The following STK36 variants were observed in gnomAD, a reference collection of about 807,000 sequenced individuals.
STK36 encodes the protein serine/threonine kinase 36.
In STK36, 116 loss-of-function variants were observed where a neutral mutation model predicts 142.2. The ratio of observed to expected loss-of-function variants is 0.82; its 90% CI spans 0.70 to 0.95. STK36 has a LOEUF of 0.95. Among genes scored for constraint, STK36 ranks in the 40% least tolerant of loss-of-function variants. STK36 has a pLI of 0.00. For missense variants in STK36, 1,422 were observed against 1,617.2 expected, an observed-to-expected ratio of 0.88 and a Z score of 2.07; for synonymous variants, 619 against 641.7, an observed-to-expected ratio of 0.96 and a Z score of 0.53.
rs553102297 is a variant in STK36 at position 218,681,361 on chromosome 2, A to G, written c.1236+659A>G. 1.7e-3 allele frequency among the ~76,000 whole-genome samples: 257 copies of G among 152,314 alleles called. 1 individual carries two copies. Among genetic ancestry groups the G allele is most frequent in the Non-Finnish European group, 3.2e-3 (215 of 68,028 alleles). On this transcript the variant is annotated intron_variant, in intron 10 of 26. Transcript: ENST00000295709. ...AGGCTAATCACAAACTCCTGACCTCAGGTGATCTGCCTGCCTCAGCCTCCC... is the reference window on the plus strand; with the variant it reads ...AGGCTAATCACAAACTCCTGACCTCGGGTGATCTGCCTGCCTCAGCCTCCC...
intron 12 of STK36, 53 bp from the exon 13 acceptor site, chr2:218,689,806 C>A (rs185949878): frequency 2.0e-6 from 3 of 1,519,876 alleles, no homozygotes; most frequent in Admixed American, 1.9e-5. Flanking sequence ...TTTTTCTATT[C>A]TTTGTTTCCA....
chr2:218,697,056 A>G lies in STK36; in HGVS notation c.2604A>G (p.Leu868=). 3 of 1,614,050 alleles carry G rather than the reference A, an allele frequency of 1.9e-6. No homozygotes were observed. Among genetic ancestry groups the G allele is most frequent in the Non-Finnish European group, 2.5e-6 (3 of 1,179,962 alleles). Residue 868 remains leucine (L), a synonymous_variant, in exon 23 of 27, where the codon CTA becomes CTG. Transcript: ENST00000295709. ...QLLTEQGKAS[L]IRDMSSSEMW... ...ATCTCTAGCAGGGGAAGGCTAGCCT[A>G]ATCAGGGATATGTCCAGTTCAGAAA... is the stretch of plus-strand genomic sequence containing the variant.
chr2:218,688,645 T>C (rs1476664506), intron 11 of STK36, 52 bp from the exon 12 acceptor site: 5 of 1,578,122 alleles, frequency 3.2e-6, no homozygotes, highest in African/African-American at 2.7e-5. Context: ...TAGTTCTCCT[T>C]CTTTTACCTC....
chr2:218,693,388 C>T (rs1941089548), intron 17 of STK36, 44 bp downstream of exon 17: 1 of 1,548,516 alleles, frequency 6.5e-7, no homozygotes, highest in African/African-American at 1.4e-5. Context: ...TTTTTAACTC[C>T]CAGTGCAGAC....
chr2:218,692,536 G>A (rs1941046962), intron 15 of STK36, 47 bp from the exon 16 acceptor site: 2 of 1,579,182 alleles, frequency 1.3e-6, no homozygotes, highest in South Asian at 2.3e-5. Context: ...TATTGTCTAG[G>A]GCAAGAGCCT....
At chr2:218,697,810 G>A in intron 24 of STK36, 44 bp from the exon 25 acceptor site, 1 of 1,613,776 alleles carries the variant, frequency 6.2e-7, no homozygotes, top group Non-Finnish European at 8.5e-7. Flanking sequence ...AATGATAAAG[G>A]TTAAGTGAAC....
Position 218,685,067 on chromosome 2 carries a change from C to T in STK36, c.1237-18C>T, listed in dbSNP as rs1429563165. 1 of 1,613,894 alleles carries T rather than the reference C, an allele frequency of 6.2e-7. No homozygotes were observed. The highest frequency in any genetic ancestry group is 1.3e-5 in the African/African-American group (1 of 75,036). ...CTTACACACTACTCCTGACCCCTTT[C>T]ACTCCCCTCTGCCTCAGGAGCCAGA... is the stretch of plus-strand genomic sequence containing the variant. On this transcript the variant is annotated intron_variant, in intron 10 of 26. Coordinates refer to ENST00000295709, the MANE Select transcript of STK36 (RefSeq NM_015690.5).
chr2:218,685,396 C>T (rs766100859), intron 11 of STK36, among the ~76,000 whole-genome samples, 168 bp downstream of exon 11: 22 of 152,134 alleles, frequency 1.4e-4, no homozygotes, highest in Non-Finnish European at 2.9e-4. Context: ...ACAGAAAGAG[C>T]AGCCCTCAGG....
In STK36 at chr2:218,679,183, C is replaced by T; in HGVS notation, c.700C>T (p.Leu234=). ...SPCFKNFLQG[L]LTKDPRQRLS... ...CTCTCTGTAGAACTTCCTGCAGGGA[C>T]TGCTCACCAAAGACCCACGGCAGCG... The change falls in exon 7 of 27, where the codon CTG becomes TTG. Residue 234 remains leucine (L), a synonymous_variant. Transcript: ENST00000295709. The T allele has an allele frequency of 1.9e-6, 3 of 1,614,162 alleles. No individual in the cohort carries two copies. Among genetic ancestry groups the T allele is most frequent in the Non-Finnish European group, 2.5e-6 (3 of 1,180,016 alleles).
At chr2:218,682,540 T>C (rs372544846) in intron 10 of STK36, among the ~76,000 whole-genome samples, 6 of 152,206 alleles carry the variant, frequency 3.9e-5, no homozygotes, top group Non-Finnish European at 5.9e-5. Flanking sequence ...ATGTGCGTTA[T>C]GAAAATTTTT....
At chr2:218,677,170 T>G (rs1166705098) in intron 6 of STK36, among the ~76,000 whole-genome samples, 2 of 152,176 alleles carry the variant, frequency 1.3e-5, no homozygotes, top group Admixed American at 1.3e-4. Flanking sequence ...CAACCTCAGG[T>G]GATCCGCCTG....
rs141303513 is a variant in STK36, at chr2:218,673,598, G to A, written c.85-27G>A. 3.7e-5 allele frequency: 59 copies of A among 1,599,494 alleles called. No homozygotes were observed. The Middle Eastern group carries it at 6.7e-4, about 18-fold the overall frequency. ...GATCTTTTCAGTAGTGTGATTAGGC[G>A]TTAACTTTTCACCTTACCACTGACA... On this transcript the variant is annotated intron_variant, in intron 2 of 26. Coordinates refer to ENST00000295709, the MANE Select transcript of STK36 (RefSeq NM_015690.5).
chr2:218,676,576 T>C (rs908917322), intron 6 of STK36, among the ~76,000 whole-genome samples: 4 of 150,270 alleles, frequency 2.7e-5, no homozygotes, highest in Non-Finnish European at 5.9e-5. Context: ...ATGTCTTACG[T>C]GGTGGACCAG....
intron 15 of STK36, 35 bp from the exon 16 acceptor site, chr2:218,692,548 A>T: frequency 6.3e-7 from 1 of 1,591,324 alleles, no homozygotes; most frequent in Non-Finnish European, 8.5e-7. Context: ...CAAGAGCCTC[A>T]GGCCTTTGGA....
chr2:218,697,450 T>C lies in STK36; in HGVS notation c.2762-13T>C, dbSNP rs1941278271. The C allele has an allele frequency of 1.9e-6, 3 of 1,613,542 alleles. No individual in the cohort carries two copies. Among genetic ancestry groups the C allele is most frequent in the Non-Finnish European group, 2.5e-6 (3 of 1,179,810 alleles). ...TGCCTGTTCCATTGGGTCTCCATTT[T>C]TGGTGTTACCAGGCATGGCAGCCCT... is the stretch of plus-strand genomic sequence containing the variant. On this transcript the variant is annotated splice_polypyrimidine_tract_variant and intron_variant, in intron 23 of 26. Coordinates refer to ENST00000295709, the MANE Select transcript of STK36 (RefSeq NM_015690.5).
intron 17 of STK36, 70 bp from the exon 18 acceptor site, chr2:218,693,653 C>T (rs1019595948): frequency 3.8e-5 from 54 of 1,432,626 alleles, no homozygotes; most frequent in South Asian, 3.5e-4. Context: ...CCGGTGTTTC[C>T]GCTGAGCCTT....
In STK36 at chr2:218,694,125, A is replaced by T; in HGVS notation, c.2337-139A>T. The T allele has an allele frequency of 8.6e-7, 1 of 1,156,890 alleles. No individual in the cohort carries two copies. 71.7% of individuals were successfully genotyped at this position (1,156,890 alleles called of 1,614,324 possible). A position where few individuals can be genotyped will look rare whatever the true frequency, so the allele number is the denominator to read the frequency against. ...GCGTGAAGCTTTCTCTACAAAGAAC[A>T]GACCTAGACTCCCATCAACTTTGTG... On this transcript the variant is annotated intron_variant, in intron 19 of 26. Transcript: ENST00000295709. This position sits in a 1 kb window ranked among gnomAD's most constrained non-coding sequence, Gnocchi z 4.4.
At chr2:218,695,510 G>T (rs1411661199) in intron 21 of STK36, among the ~76,000 whole-genome samples, 2 of 142,942 alleles carry the variant, frequency 1.4e-5, no homozygotes, top group African/African-American at 5.3e-5. Context: ...TTATAGGTGT[G>T]AGCCACCATG....
Position 218,680,674 on chromosome 2 carries a change from G to A in STK36, c.1208G>A (p.Ser403Asn), listed in dbSNP as rs746534297. ...EERPEVLGQR[S>N]TDVVDLENEE... ...AGGCCAGAGGTGCTGGGCCAGCGGAGCACTGATGTAGTGGACCTGGAAAAT... is the reference window on the plus strand; with the variant it reads ...AGGCCAGAGGTGCTGGGCCAGCGGAACACTGATGTAGTGGACCTGGAAAAT... Residue 403 changes from serine (S) to asparagine (N), a missense_variant, in exon 10 of 27, where the codon AGC (serine) becomes AAC (asparagine). Ser to Asn is a conservative substitution (Grantham distance 46, BLOSUM62 1). Around this residue, in one of 2 missense-constraint regions of STK36, gnomAD observed 962 missense variants for 1,167.5 expected, o/e 0.82. Transcript: ENST00000295709. 1.9e-6 allele frequency: 3 copies of A among 1,613,272 alleles called. No homozygotes were observed. In the Admixed American group the frequency reaches 5.0e-5, roughly 27 times the overall value.
Sources: allele counts gnomAD v4.1 joint callset (sites outside exome capture counted in the v4.1 genomes callset), GRCh38; gene constraint gnomAD v4.1.1; regional missense constraint gnomAD v4.1.1; non-coding constraint Gnocchi (gnomAD v3.1); transcripts MANE v1.5; gene names NCBI Gene and HGNC (gene_info 2026-07-23, HGNC 2026-07-21).